Variants in OPRL1 observed in about 807,000 individuals in gnomAD.
OPRL1 encodes the protein opioid related nociceptin receptor 1, also known as nociceptin receptor.
OPRL1 carries 5 observed loss-of-function variants against 15.5 expected under a neutral mutation model. The observed-to-expected ratio is 0.32, with a 90% CI of 0.17 to 0.68. The LOEUF is 0.68. Ranked by LOEUF, OPRL1 falls within the 30% of genes least tolerant of loss-of-function variation. The probability of loss-of-function intolerance (pLI) is 0.72; values close to 1 mark genes in which losing one functional copy is unlikely to be tolerated. For missense variants in OPRL1, 406 were observed against 515.3 expected, an observed-to-expected ratio of 0.79 and a Z score of 2.05; for synonymous variants, 223 against 230.2, an observed-to-expected ratio of 0.97 and a Z score of 0.28.
chr20:64,098,488 G>A lies in OPRL1; in HGVS notation c.802G>A (p.Val268Ile). The change falls in exon 5 of 5, where the codon GTA becomes ATA. Residue 268 changes from valine (V) to isoleucine (I), a missense_variant. Physicochemically the swap from Val to Ile is conservative, Grantham distance 29. Transcript: ENST00000336866. The stretch of plus-strand genomic sequence containing the variant: ...GCGCATCACTCGGCTGGTGCTGGTG[G>A]TAGTGGCTGTGTTCGTGGGCTGCTG... Reference protein sequence around the residue: ...LRRITRLVLVVVAVFVGCWTP... With the variant: ...LRRITRLVLVIVAVFVGCWTP... 1 of 1,613,118 alleles carries A rather than the reference G, an allele frequency of 6.2e-7. No individual in the cohort carries two copies. Among genetic ancestry groups the A allele is most frequent in the Non-Finnish European group, 8.5e-7 (1 of 1,180,020 alleles).
At chr20:64,085,786 C>T (rs1601630659) in intron 1 of OPRL1, among the ~76,000 whole-genome samples, 1 of 152,184 alleles carries the variant, frequency 6.6e-6, no homozygotes. Context: ...CTTAGCTGAG[C>T]TTCTGGCCTT....
In OPRL1 at chr20:64,095,780, T is replaced by C. The variant is rs77084999; in HGVS notation, c.234-2022T>C. 8.7e-3 allele frequency among the ~76,000 whole-genome samples: 1,321 copies of C among 152,028 alleles called. 10 individuals are homozygous for C. Among genetic ancestry groups the C allele is most frequent in the Non-Finnish European group, 0.012 (815 of 67,932 alleles). ...CAAAGGGCCCCAACCGGAGGTGTTATGTAGGTAGAGGCGGGACAGGGTAGT... is the reference window on the plus strand; with the variant it reads ...CAAAGGGCCCCAACCGGAGGTGTTACGTAGGTAGAGGCGGGACAGGGTAGT... On this transcript the variant is annotated intron_variant, in intron 3 of 4. Coordinates refer to ENST00000336866, the MANE Select transcript of OPRL1 (RefSeq NM_182647.4).
intron 1 of OPRL1, among the ~76,000 whole-genome samples, chr20:64,088,978 G>A (rs1366441047): frequency 7.0e-6 from 1 of 142,332 alleles, no homozygotes; most frequent in Admixed American, 7.0e-5. Flanking sequence ...AAGGGGGCAG[G>A]ATCTTTGCAG....
At position 64,098,887 on chromosome 20, in the gene OPRL1, G is replaced by A; in HGVS notation, c.*88G>A. The A allele has an allele frequency of 6.8e-7, 1 of 1,464,548 alleles. No homozygotes were observed. 90.7% of individuals were successfully genotyped at this position (1,464,548 alleles called of 1,614,324 possible). ...GCTCACACAGGTCACTGCTCTCTAG[G>A]CGGACACACCCTGGGCCCTGAGCAT... On this transcript the variant is annotated 3_prime_UTR_variant, in exon 5 of 5. Coordinates refer to ENST00000336866, the MANE Select transcript of OPRL1 (RefSeq NM_182647.4).
At position 64,083,582 on chromosome 20, in the gene OPRL1, C is replaced by A; in HGVS notation, c.-185+3230C>A. ...CCGCCCCTACCGGGGCTTGTCTGCA[C>A]CTCTTGGCGGTCCAGGGGGTCCGGG... On this transcript the variant is annotated intron_variant, in intron 1 of 4. Transcript: ENST00000336866. This position sits in a 1 kb window ranked among gnomAD's most constrained non-coding sequence, Gnocchi z 4.9. 16 of 1,513,374 alleles carry A rather than the reference C, an allele frequency of 1.1e-5. No individual in the cohort carries two copies. The highest frequency in any genetic ancestry group is 1.4e-5 in the Non-Finnish European group (16 of 1,130,084). The allele number at this position is 1,513,374 out of a possible 1,614,324, so 93.7% of individuals were successfully genotyped here.
At chr20:64,080,825 C>G (rs2059958963) in intron 1 of OPRL1, among the ~76,000 whole-genome samples, 1 of 152,192 alleles carries the variant, frequency 6.6e-6, no homozygotes, top group Admixed American at 6.5e-5. Flanking sequence ...CGGATAGTTC[C>G]CAGTGTCGGG....
In OPRL1 at chr20:64,088,766, G is replaced by A. The variant is rs1298371087; in HGVS notation, c.-184-3200G>A. Among the ~76,000 whole-genome samples, 732 of 126,440 alleles carry A rather than the reference G, an allele frequency of 5.8e-3. 71 individuals are homozygous for A. Among genetic ancestry groups the A allele is most frequent in the Middle Eastern group, 0.023 (3 of 132 alleles). The allele number at this position is 126,440 out of a possible 152,430, so 82.9% of individuals were successfully genotyped here. A position where few individuals can be genotyped will look rare whatever the true frequency, so the allele number is the denominator to read the frequency against. On this transcript the variant is annotated intron_variant, in intron 1 of 4. Coordinates refer to ENST00000336866, the MANE Select transcript of OPRL1 (RefSeq NM_182647.4). Reference sequence around the variant, plus strand: ...GATCTGTGCAGAGTGGCCAGGATCTGTGCAGGGAGGGTAGGATCTGTGCAG... The same window carrying A: ...GATCTGTGCAGAGTGGCCAGGATCTATGCAGGGAGGGTAGGATCTGTGCAG...
chr20:64,093,336 G>A (rs1377295109), intron 3 of OPRL1, among the ~76,000 whole-genome samples: 1 of 149,718 alleles, frequency 6.7e-6, no homozygotes, highest in East Asian at 2.0e-4. Context: ...AGGCGCAGGG[G>A]CTGGAGCTCG....
At chr20:64,082,139 C>G (rs912885582) in intron 1 of OPRL1, among the ~76,000 whole-genome samples, 1 of 152,216 alleles carries the variant, frequency 6.6e-6, no homozygotes, top group Non-Finnish European at 1.5e-5. Flanking sequence ...CCAGGGCTGG[C>G]TGTCATCACA....
chr20:64,088,271 A>G lies in OPRL1; in HGVS notation c.-184-3695A>G, dbSNP rs201386326. Among the ~76,000 whole-genome samples the G allele has an allele frequency of 3.9e-5, 6 of 152,312 alleles. No individual in the cohort carries two copies. In the East Asian group the frequency reaches 1.2e-3, roughly 29 times the overall value. ...CCATGCAAGGGGCCAGAATCTGCAC[A>G]TGGGCCAGGATCTGTGCATTGAGGC... On this transcript the variant is annotated intron_variant, in intron 1 of 4. Transcript: ENST00000336866.
At chr20:64,082,483 A>G (rs1259277687) in intron 1 of OPRL1, among the ~76,000 whole-genome samples, 1 of 152,198 alleles carries the variant, frequency 6.6e-6, no homozygotes, top group Non-Finnish European at 1.5e-5. Context: ...GCCATGGAGC[A>G]GGATCCCTTC....
intron 1 of OPRL1, 127 bp downstream of exon 1, chr20:64,080,479 G>T (rs892697824): frequency 3.3e-5 from 5 of 152,362 alleles, no homozygotes; most frequent in African/African-American, 1.2e-4. Context: ...GGGCTGGGGA[G>T]AACTGGGGGT....
intron 1 of OPRL1, chr20:64,084,440 C>T: frequency 8.3e-7 from 1 of 1,204,938 alleles, no homozygotes; most frequent in Admixed American, 4.3e-5. Flanking sequence ...GCTGATCCTG[C>T]TCAGTCCTGC....
rs752338053 is a variant in OPRL1 at position 64,090,339 on chromosome 20, G to A, written c.-184-1627G>A. On this transcript the variant is annotated intron_variant, in intron 1 of 4. Transcript: ENST00000336866. The surrounding 1 kb of genome is among the most constrained non-coding windows in gnomAD (Gnocchi z 4.9). ...CACGTGTCCCTGAGTCTTGGTTGCC[G>A]TGAAGATGCAGGGAGAAATCCTGGG... 6.6e-6 allele frequency among the ~76,000 whole-genome samples: 1 copy of A among 152,222 alleles called. No homozygotes were observed. Among genetic ancestry groups the A allele is most frequent in the Non-Finnish European group, 1.5e-5 (1 of 68,042 alleles).
At chr20:64,084,321 G>C (rs1200633917) in intron 1 of OPRL1, 1 of 1,290,714 alleles carries the variant, frequency 7.7e-7, no homozygotes, top group Non-Finnish European at 9.8e-7. Context: ...CCCAGCTCCC[G>C]CCCGCTGGGC....
chr20:64,096,213 G>A (rs910326639), intron 3 of OPRL1, among the ~76,000 whole-genome samples: 5 of 152,112 alleles, frequency 3.3e-5, no homozygotes, highest in Admixed American at 6.5e-5. Flanking sequence ...TCCTGGATTA[G>A]AGCAGACAGG....
At chr20:64,082,199 C>A (rs2059974815) in intron 1 of OPRL1, among the ~76,000 whole-genome samples, 1 of 152,152 alleles carries the variant, frequency 6.6e-6, no homozygotes, top group Admixed American at 6.5e-5. Context: ...GGACAGACTG[C>A]CTCCCTTCCC....
Position 64,083,717 on chromosome 20 carries a change from G to C in OPRL1, c.-185+3365G>C, listed in dbSNP as rs765302069. On this transcript the variant is annotated intron_variant, in intron 1 of 4. Coordinates refer to ENST00000336866, the MANE Select transcript of OPRL1 (RefSeq NM_182647.4). The surrounding 1 kb of genome is among the most constrained non-coding windows in gnomAD (Gnocchi z 4.9). ...GCGATCTCCTCGGCCTGCGGGGCCC[G>C]GGTAGCTGAGCGCGCGCCGAGCCCC... 8.0e-5 allele frequency: 109 copies of C among 1,363,424 alleles called. No homozygotes were observed. The highest frequency in any genetic ancestry group is 9.8e-5 in the Non-Finnish European group (105 of 1,066,768). 84.5% of individuals were successfully genotyped at this position (1,363,424 alleles called of 1,614,324 possible).
Position 64,091,970 on chromosome 20 carries a change from GGGCTGCCGGCTCACTC to G in OPRL1, c.-173_-158del, listed in dbSNP as rs1337683522. 1 of 152,750 alleles carries G rather than the reference GGGCTGCCGGCTCACTC, an allele frequency of 6.5e-6. No individual in the cohort carries two copies. The highest frequency in any genetic ancestry group is 1.5e-5 in the Non-Finnish European group (1 of 68,494). 9.5% of individuals were successfully genotyped at this position (152,750 alleles called of 1,614,324 possible). A position where few individuals can be genotyped will look rare whatever the true frequency, so the allele number is the denominator to read the frequency against. ...CCTCCTCCCCCTCCCCCCCAGCTTC[GGGCTGCCGGCTCACTC>G]GGCTGCTGCGTCTGGTCTGGCGTCT... On this transcript the variant is annotated 5_prime_UTR_variant, in exon 2 of 5. It introduces an in-frame stop codon into an upstream open reading frame of the 5' UTR. Transcript: ENST00000336866.
Sources: allele counts gnomAD v4.1 joint callset (sites outside exome capture counted in the v4.1 genomes callset), GRCh38; gene constraint gnomAD v4.1.1; non-coding constraint Gnocchi (gnomAD v3.1); transcripts MANE v1.5; gene names NCBI Gene and HGNC (gene_info 2026-07-23, HGNC 2026-07-21).